The following SNIP1 variants were observed in gnomAD, a reference collection of about 807,000 sequenced individuals.
The protein encoded by SNIP1 is Smad nuclear interacting protein 1.
A neutral mutation model predicts 37.4 loss-of-function variants in SNIP1; 23 were observed. The observed-to-expected ratio is 0.61, with a 90% CI of 0.44 to 0.87. The LOEUF (loss-of-function observed/expected upper bound fraction) is 0.87. Among genes scored for constraint, SNIP1 ranks in the 40% least tolerant of loss-of-function variants. The pLI, the probability that SNIP1 is intolerant of heterozygous loss-of-function variation, is 0.00. For missense variants in SNIP1, 459 were observed against 540.4 expected, an observed-to-expected ratio of 0.85 and a Z score of 1.49; for synonymous variants, 174 against 200.0, an observed-to-expected ratio of 0.87 and a Z score of 1.10.
At chr1:37,549,677 G>A (rs553224827) in intron 2 of SNIP1, among the ~76,000 whole-genome samples, 2 of 152,264 alleles carry the variant, frequency 1.3e-5, no homozygotes, top group East Asian at 1.9e-4. Flanking sequence ...CTCCCAAAGT[G>A]TTGGGATTAC....
rs113182540 is a variant in SNIP1 at position 37,540,285 on chromosome 1, A to G, written c.798T>C (p.Asn266=). 1.3e-5 allele frequency: 21 copies of G among 1,614,110 alleles called. No individual in the cohort carries two copies. The highest frequency in any genetic ancestry group is 1.1e-4 in the African/African-American group (8 of 75,020). The change falls in exon 3 of 4, where the codon AAT becomes AAC. Residue 266 remains asparagine (N), a synonymous_variant. Transcript: ENST00000296215. This position sits in a 1 kb window ranked among gnomAD's most constrained non-coding sequence, Gnocchi z 5.6. ...TGTACATGACTGGAAGCACCTCATC[A>G]TTTTTAAATGGGTAGAGACGCCACC... ...KKRWRLYPFK[N]DEVLPVMYIH...
rs999508907 is a variant in SNIP1 at position 37,537,386 on chromosome 1, A to G, written c.*362T>C. The G allele has an allele frequency of 4.8e-6, 1 of 206,580 alleles. No individual in the cohort carries two copies. The highest frequency in any genetic ancestry group is 9.8e-6 in the Non-Finnish European group (1 of 101,814). The allele number at this position is 206,580 out of a possible 1,614,324, so 12.8% of individuals were successfully genotyped here. On this transcript the variant is annotated 3_prime_UTR_variant, in exon 4 of 4. Transcript: ENST00000296215. ...CTATATAAATAAAGTAACTGTACAA[A>G]GAGAACAAGCCATGATTTCCCCTTA... is the stretch of plus-strand genomic sequence containing the variant.
chr1:37,547,394 C>T (rs926915346), intron 2 of SNIP1, among the ~76,000 whole-genome samples: 2 of 152,098 alleles, frequency 1.3e-5, no homozygotes, highest in African/African-American at 4.8e-5. Flanking sequence ...ATTTTACATA[C>T]CTCTGTATTA....
At chr1:37,539,594 C>A (rs1042927449) in intron 3 of SNIP1, among the ~76,000 whole-genome samples, 1 of 152,220 alleles carries the variant, frequency 6.6e-6, no homozygotes, top group Admixed American at 6.5e-5. Flanking sequence ...CCTGTACTCT[C>A]AGCTGCTCGG....
At chr1:37,547,195 T>C (rs538734807) in intron 2 of SNIP1, among the ~76,000 whole-genome samples, 1 of 152,256 alleles carries the variant, frequency 6.6e-6, no homozygotes, top group African/African-American at 2.4e-5. Context: ...GTAATATAGG[T>C]CATTAATCCC....
chr1:37,546,883 T>C (rs1486665211), intron 2 of SNIP1, among the ~76,000 whole-genome samples: 2 of 152,176 alleles, frequency 1.3e-5, no homozygotes, highest in Non-Finnish European at 2.9e-5. Flanking sequence ...CAGCAGCATC[T>C]AACAGAGTTA....
In SNIP1 at chr1:37,540,145, C is replaced by G; in HGVS notation, c.926+12G>C. Reference sequence around the variant, plus strand: ...CTGCTCACATTACAGTTTCTTCCTCCATGTTACTTACCGATATTGAAAGAC... The same window carrying G: ...CTGCTCACATTACAGTTTCTTCCTCGATGTTACTTACCGATATTGAAAGAC... On this transcript the variant is annotated intron_variant, in intron 3 of 3. Coordinates refer to ENST00000296215, the MANE Select transcript of SNIP1 (RefSeq NM_024700.4). This position sits in a 1 kb window ranked among gnomAD's most constrained non-coding sequence, Gnocchi z 5.6. 1 of 1,560,822 alleles carries G rather than the reference C, an allele frequency of 6.4e-7. No homozygotes were observed. Among genetic ancestry groups the G allele is most frequent in the Non-Finnish European group, 8.7e-7 (1 of 1,148,916 alleles).
intron 1 of SNIP1, 92 bp from the exon 2 acceptor site, chr1:37,552,839 C>T: frequency 5.0e-6 from 5 of 996,446 alleles, no homozygotes; most frequent in Non-Finnish European, 8.0e-6. Context: ...CTAACACAAA[C>T]ACCGCATTTG....
chr1:37,545,194 T>C (rs572796714), intron 2 of SNIP1: 20 of 690,490 alleles, frequency 2.9e-5, no homozygotes, highest in South Asian at 8.2e-5. Context: ...CATCAAGAAT[T>C]GGGTGACCAT....
intron 2 of SNIP1, among the ~76,000 whole-genome samples, chr1:37,551,074 G>GACAC (rs55724495): frequency 1.5e-3 from 213 of 143,990 alleles, no homozygotes; most frequent in Middle Eastern, 3.5e-3. Flanking sequence ...CAGCCTGGGT[G>GACAC]ACACACACAC....
intron 3 of SNIP1, among the ~76,000 whole-genome samples, chr1:37,539,899 G>A (rs1427224220): frequency 1.3e-5 from 2 of 152,202 alleles, no homozygotes; most frequent in Non-Finnish European, 2.9e-5. Flanking sequence ...GCTGGAGTGA[G>A]CTGTGTTTGC....
At position 37,537,967 on chromosome 1, in the gene SNIP1, C is replaced by T; in HGVS notation, c.972G>A (p.Val324=). 1 of 1,614,016 alleles carries T rather than the reference C, an allele frequency of 6.2e-7. No individual in the cohort carries two copies. The highest frequency in any genetic ancestry group is 8.5e-7 in the Non-Finnish European group (1 of 1,179,940). ...AGCCAAGGTCAATGATGTAGGGCTT[C>T]ACTCTTCGGCCAACTGTGCCATCAG... ...TRADGTVGRR[V]KPYIIDLGSG... The change falls in exon 4 of 4, where the codon GTG becomes GTA. Residue 324 remains valine, a synonymous_variant. Transcript: ENST00000296215.
chr1:37,552,411 A>G (rs575908031), intron 2 of SNIP1: 3 of 492,316 alleles, frequency 6.1e-6, no homozygotes, highest in East Asian at 7.3e-5. Context: ...ATTATTTCTG[A>G]CAACTGCATG....
Position 37,537,562 on chromosome 1 carries a change from T to A in SNIP1, c.*186A>T. The A allele has an allele frequency of 1.6e-6, 1 of 625,862 alleles. No homozygotes were observed. The highest frequency in any genetic ancestry group is 2.5e-5 in the South Asian group (1 of 39,734). The allele number at this position is 625,862 out of a possible 1,614,324, so 38.8% of individuals were successfully genotyped here. A position where few individuals can be genotyped will look rare whatever the true frequency, so the allele number is the denominator to read the frequency against. On this transcript the variant is annotated 3_prime_UTR_variant, in exon 4 of 4. Coordinates refer to ENST00000296215, the MANE Select transcript of SNIP1 (RefSeq NM_024700.4). ...TGGCCAAGGTGCCACAGAAAAAGTT[T>A]AACAAACATTAGTCAGTGTATTCAA...
intron 2 of SNIP1, among the ~76,000 whole-genome samples, chr1:37,546,629 G>GCAC (rs1420451161): frequency 1.3e-5 from 2 of 152,020 alleles, no homozygotes; most frequent in Non-Finnish European, 2.9e-5. Flanking sequence ...AGCCAAGATT[G>GCAC]CACCACTGCA....
chr1:37,545,793 G>T (rs537945401), intron 2 of SNIP1, among the ~76,000 whole-genome samples: 1 of 151,880 alleles, frequency 6.6e-6, no homozygotes, highest in Non-Finnish European at 1.5e-5. Context: ...CCCACCCGCC[G>T]CCCTCTCTAA....
In SNIP1 at chr1:37,537,820, C is replaced by A. The variant is rs570205503; in HGVS notation, c.1119G>T (p.Ser373=). ...TCCTGTCTATTTCAGAAGTGTCCGA[C>A]GACTCATGGAGCAAGACGTATTCTC... ...SSREYVLLHE[S]SDTSEIDRKD... Residue 373 remains serine (S), a synonymous_variant, in exon 4 of 4, where the codon TCG becomes TCT. Coordinates refer to ENST00000296215, the MANE Select transcript of SNIP1 (RefSeq NM_024700.4). 6.2e-7 allele frequency: 1 copy of A among 1,614,180 alleles called. No homozygotes were observed.
At position 37,540,255 on chromosome 1, in the gene SNIP1, A is replaced by G. The variant is rs763920990; in HGVS notation, c.828T>C (p.His276=). 10 of 1,614,112 alleles carry G rather than the reference A, an allele frequency of 6.2e-6. No individual in the cohort carries two copies. The highest frequency in any genetic ancestry group is 8.5e-6 in the Non-Finnish European group (10 of 1,180,014). The change falls in exon 3 of 4, where the codon CAT becomes CAC. Residue 276 remains histidine, a synonymous_variant. Transcript: ENST00000296215. This position sits in a 1 kb window ranked among gnomAD's most constrained non-coding sequence, Gnocchi z 5.6. ...NDEVLPVMYI[H]RQSAYLLGRH... ...GACCCAGTAGGTACGCACTCTGTCG[A>G]TGTATGTACATGACTGGAAGCACCT...
rs1330230605 is a variant in SNIP1 at position 37,536,739 on chromosome 1, G to A, written c.*1009C>T. On this transcript the variant is annotated 3_prime_UTR_variant, in exon 4 of 4. Coordinates refer to ENST00000296215, the MANE Select transcript of SNIP1 (RefSeq NM_024700.4). ...GCTACTTACACATATTCCTCTGGTG[G>A]AAAACTAGGACACTGGGAAATTCCC... is the stretch of plus-strand genomic sequence containing the variant. 1 of 152,092 alleles carries A rather than the reference G, an allele frequency of 6.6e-6. No homozygotes were observed. The highest frequency in any genetic ancestry group is 1.5e-5 in the Non-Finnish European group (1 of 68,010). 9.4% of individuals were successfully genotyped at this position (152,092 alleles called of 1,614,324 possible). A position where few individuals can be genotyped will look rare whatever the true frequency, so the allele number is the denominator to read the frequency against.
Sources: allele counts gnomAD v4.1 joint callset (sites outside exome capture counted in the v4.1 genomes callset), GRCh38; gene constraint gnomAD v4.1.1; non-coding constraint Gnocchi (gnomAD v3.1); transcripts MANE v1.5; gene names NCBI Gene and HGNC (gene_info 2026-07-23, HGNC 2026-07-21).